The following TMEM117 variants were observed in gnomAD, a reference collection of about 807,000 sequenced individuals.
The protein encoded by TMEM117 is transmembrane protein 117.
TMEM117 carries 27 observed loss-of-function variants against 52.4 expected under a neutral mutation model. The ratio of observed to expected loss-of-function variants is 0.51; its 90% CI spans 0.38 to 0.71. The LOEUF (loss-of-function observed/expected upper bound fraction) is 0.71. TMEM117 is among the 30% of genes least tolerant of loss of function. The pLI is 0.00. For missense variants in TMEM117, 556 were observed against 630.5 expected (o/e 0.88, Z 1.26); for synonymous variants, 215 against 206.3 (o/e 1.04, Z -0.36).
At chr12:44,272,945 A>C (rs1359040708) in intron 5 of TMEM117, among the ~76,000 whole-genome samples, 1 of 152,196 alleles carries the variant, frequency 6.6e-6, no homozygotes, top group Non-Finnish European at 1.5e-5. Flanking sequence ...GGCGCTATTC[A>C]CAATAGCAAA....
At chr12:44,208,872 T>C (rs1040982837) in intron 4 of TMEM117, among the ~76,000 whole-genome samples, 2 of 151,864 alleles carry the variant, frequency 1.3e-5, no homozygotes, top group Non-Finnish European at 2.9e-5. Flanking sequence ...ATAATAAGTA[T>C]TTCCCAGAAA....
chr12:43,821,071 G>A, the TMEM117 span, among the ~76,000 whole-genome samples: 9 of 149,514 alleles, frequency 6.0e-5, no homozygotes, highest in Non-Finnish European at 8.9e-5. Context: ...CTCTAGCCTG[G>A]GCAACAAAGC....
intron 2 of TMEM117, among the ~76,000 whole-genome samples, chr12:43,908,210 G>T (rs1278605951): frequency 2.0e-4 from 14 of 70,280 alleles, no homozygotes; most frequent in African/African-American, 4.2e-4. Flanking sequence ...TTAAAGAAAA[G>T]AATTTTCAAC....
chr12:44,103,791 C>T (rs967084084), intron 3 of TMEM117, among the ~76,000 whole-genome samples: 2 of 151,920 alleles, frequency 1.3e-5, no homozygotes, highest in African/African-American at 4.8e-5. Flanking sequence ...TTTTCTTTTT[C>T]TTTTCTCTTG....
At chr12:44,042,648 C>T (rs1946817806) in intron 3 of TMEM117, among the ~76,000 whole-genome samples, 1 of 152,108 alleles carries the variant, frequency 6.6e-6, no homozygotes, top group African/African-American at 2.4e-5. Flanking sequence ...TGCCCTCCAA[C>T]ATCAGACTCC....
chr12:43,818,280 C>CTGAT, the TMEM117 span, among the ~76,000 whole-genome samples: 1 of 152,096 alleles, frequency 6.6e-6, no homozygotes, highest in African/African-American at 2.4e-5. Flanking sequence ...TAAGTAAGTA[C>CTGAT]TGACATTTTT....
rs536036313 is a variant in TMEM117, at chr12:44,201,850, A to C, written c.511-9440A>C. 1.4e-3 allele frequency among the ~76,000 whole-genome samples: 216 copies of C among 152,328 alleles called. 1 individual carries two copies. The highest frequency in any genetic ancestry group is 2.3e-3 in the Non-Finnish European group (155 of 68,014). On this transcript the variant is annotated intron_variant, in intron 4 of 7. Transcript: ENST00000266534. ...AACACCCAATTATAAAGCAGAATGTAGAAATATTCCCAAACCCTAAGAACA... is the reference window on the plus strand; with the variant it reads ...AACACCCAATTATAAAGCAGAATGTCGAAATATTCCCAAACCCTAAGAACA...
chr12:43,934,939 C>A (rs533085677), intron 2 of TMEM117, among the ~76,000 whole-genome samples: 2 of 152,184 alleles, frequency 1.3e-5, no homozygotes, highest in African/African-American at 4.8e-5. Context: ...TGTTAGATAA[C>A]TTTGTTGATG....
rs557428727 is a variant in TMEM117, at chr12:43,882,421, T to C, written c.277+37493T>C. Among the ~76,000 whole-genome samples the C allele has an allele frequency of 3.4e-5, 5 of 146,328 alleles. No homozygotes were observed. In the South Asian group the frequency reaches 1.1e-3, roughly 32 times the overall value. On this transcript the variant is annotated intron_variant, in intron 2 of 7. Coordinates refer to ENST00000266534, the MANE Select transcript of TMEM117 (RefSeq NM_032256.3). Reference sequence around the variant, plus strand: ...GTTGCAGTGAGCCAAGATCACACCATTGCACTCCAGCTTTGGGGACAAGAG... The same window carrying C: ...GTTGCAGTGAGCCAAGATCACACCACTGCACTCCAGCTTTGGGGACAAGAG...
At chr12:44,396,985 C>T in the TMEM117 span, among the ~76,000 whole-genome samples, 3 of 152,038 alleles carry the variant, frequency 2.0e-5, no homozygotes, top group Admixed American at 6.6e-5. Context: ...AAGAGGGAGG[C>T]AGGATTATTT....
intron 1 of TMEM117, among the ~76,000 whole-genome samples, chr12:43,840,352 C>T (rs1943098221): frequency 6.6e-6 from 1 of 152,158 alleles, no homozygotes; most frequent in Non-Finnish European, 1.5e-5. Flanking sequence ...AGCTCATCAG[C>T]ATAGTATCTG....
At chr12:44,055,821 G>C (rs1415511078) in intron 3 of TMEM117, among the ~76,000 whole-genome samples, 5 of 151,882 alleles carry the variant, frequency 3.3e-5, no homozygotes, top group African/African-American at 1.2e-4. Context: ...TTTTAACTTT[G>C]TATATTATAA....
intron 2 of TMEM117, among the ~76,000 whole-genome samples, chr12:43,889,298 G>A (rs1944058820): frequency 6.6e-6 from 1 of 152,118 alleles, no homozygotes; most frequent in Non-Finnish European, 1.5e-5. Flanking sequence ...GGCCAGGCAG[G>A]TCTTGAACTC....
chr12:44,026,558 CATTT>C (rs1946535991), intron 3 of TMEM117, among the ~76,000 whole-genome samples: 1 of 152,086 alleles, frequency 6.6e-6, no homozygotes, highest in Non-Finnish European at 1.5e-5. Flanking sequence ...TTTTTTGTAG[CATTT>C]ATTATGATTT....
At chr12:43,806,617 G>C in the TMEM117 span, among the ~76,000 whole-genome samples, 1 of 152,116 alleles carries the variant, frequency 6.6e-6, no homozygotes, top group Non-Finnish European at 1.5e-5. Context: ...CTCAGCAAAG[G>C]GGTGCTCAAA....
At chr12:44,356,475 T>A (rs1951650404) in intron 6 of TMEM117, among the ~76,000 whole-genome samples, 1 of 152,110 alleles carries the variant, frequency 6.6e-6, no homozygotes, top group African/African-American at 2.4e-5. Flanking sequence ...ACTATTTTGT[T>A]CTGCTTATTT....
At chr12:43,857,244 A>C (rs938174116) in intron 2 of TMEM117, among the ~76,000 whole-genome samples, 5 of 152,112 alleles carry the variant, frequency 3.3e-5, no homozygotes, top group Non-Finnish European at 5.9e-5. Context: ...TACCTCAAGG[A>C]CTTAATAAAC....
At chr12:44,261,907 TTCTC>T (rs1480903721) in intron 5 of TMEM117, among the ~76,000 whole-genome samples, 1 of 152,234 alleles carries the variant, frequency 6.6e-6, no homozygotes, top group Non-Finnish European at 1.5e-5. Context: ...CTTATTGTAA[TTCTC>T]TATTGATTTG....
At chr12:44,116,607 G>T (rs1488592740) in intron 3 of TMEM117, among the ~76,000 whole-genome samples, 1 of 152,158 alleles carries the variant, frequency 6.6e-6, no homozygotes, top group Non-Finnish European at 1.5e-5. Flanking sequence ...GCATGTCCTT[G>T]TGTTCCACAG....
Sources: allele counts gnomAD v4.1 joint callset (sites outside exome capture counted in the v4.1 genomes callset), GRCh38; gene constraint gnomAD v4.1.1; transcripts MANE v1.5; gene names NCBI Gene and HGNC (gene_info 2026-07-23, HGNC 2026-07-21).